Variants in FBXO41 observed in about 807,000 individuals in gnomAD.
FBXO41 encodes F-box protein 41, also known as F-box only protein 41.
FBXO41 carries 33 observed loss-of-function variants against 81.6 expected under a neutral mutation model. That is an observed-to-expected ratio of 0.40 (90% CI 0.31 to 0.54). FBXO41 has a LOEUF of 0.54. Ranked by LOEUF, FBXO41 falls within the 20% of genes least tolerant of loss-of-function variation. FBXO41 has a pLI of 0.39. For synonymous variants in FBXO41, 576 were observed against 552.7 expected (o/e 1.04, Z -0.59); for missense variants, 1,107 against 1,236.0 (o/e 0.90, Z 1.56).
chr2:73,276,588 GAGAGAGAGA>G (rs1176236561), intron 1 of FBXO41, among the ~76,000 whole-genome samples: 1 of 131,812 alleles, frequency 7.6e-6, no homozygotes, highest in East Asian at 2.9e-4. Flanking sequence ...GAGAGAGAGA[GAGAGAGAGA>G]GAGAGAGGGA....
intron 1 of FBXO41, among the ~76,000 whole-genome samples, chr2:73,283,953 T>C (rs1205507952): frequency 6.6e-6 from 1 of 151,784 alleles, no homozygotes; most frequent in East Asian, 2.0e-4. Flanking sequence ...GGAAGCCTGG[T>C]CTCGAAACGT....
intron 1 of FBXO41, among the ~76,000 whole-genome samples, chr2:73,279,139 C>G (rs183670177): frequency 3.3e-5 from 5 of 152,198 alleles, no homozygotes; most frequent in Admixed American, 3.3e-4. Flanking sequence ...TCAAGAAGGC[C>G]TGGTGACAGA....
At chr2:73,267,613 A>G (rs1477471629) in intron 2 of FBXO41, among the ~76,000 whole-genome samples, 1 of 152,250 alleles carries the variant, frequency 6.6e-6, no homozygotes, top group Non-Finnish European at 1.5e-5. Flanking sequence ...GGACACATAA[A>G]TAACATCTAT....
In FBXO41 at chr2:73,269,168, C is replaced by A; in HGVS notation, c.463G>T (p.Gly155Trp). ...ACGGACTTGCGGGCGAACAGCTCCC[C>A]CAGCGGGATCTCGATCTCGCGCAGC... ...YALREIEIPL[G>W]ELFARKSVAS... Residue 155 changes from glycine to tryptophan, a missense_variant, in exon 2 of 13, where the codon GGG (glycine) becomes TGG (tryptophan). Coordinates refer to ENST00000520530, the MANE Select transcript of FBXO41 (RefSeq NM_001371389.2). The surrounding 1 kb of genome is among the most constrained non-coding windows in gnomAD (Gnocchi z 7.0). 2 of 1,525,824 alleles carry A rather than the reference C, an allele frequency of 1.3e-6. No homozygotes were observed. The highest frequency in any genetic ancestry group is 1.8e-6 in the Non-Finnish European group (2 of 1,141,516). 94.5% of individuals were successfully genotyped at this position (1,525,824 alleles called of 1,614,324 possible). A position where few individuals can be genotyped will look rare whatever the true frequency, so the allele number is the denominator to read the frequency against.
At chr2:73,276,176 G>A (rs769559515) in intron 1 of FBXO41, among the ~76,000 whole-genome samples, 7 of 151,150 alleles carry the variant, frequency 4.6e-5, no homozygotes, top group Admixed American at 6.6e-5. Flanking sequence ...TTGGGAGGCC[G>A]AGGTGGGTGG....
chr2:73,269,485 T>G lies in FBXO41; in HGVS notation c.146A>C (p.Asp49Ala). Residue 49 changes from aspartate (D) to alanine (A), a missense_variant, in exon 2 of 13, where the codon GAC becomes GCC. Physicochemically the swap from Asp to Ala is moderately radical, Grantham distance 126. This residue lies in a region of FBXO41 where 771 missense variants were observed against 789.2 expected (regional missense o/e 0.98). Coordinates refer to ENST00000520530, the MANE Select transcript of FBXO41 (RefSeq NM_001371389.2). This position sits in a 1 kb window ranked among gnomAD's most constrained non-coding sequence, Gnocchi z 7.0. ...GGCGGCCGCGGCGGCGGCGGCGCCGTCGCAGATGCTGTTGGTCTTGGAGAG... is the reference window on the plus strand; with the variant it reads ...GGCGGCCGCGGCGGCGGCGGCGCCGGCGCAGATGCTGTTGGTCTTGGAGAG... ...YILSKTNSIC[D>A]GAAAAAAAAA... The G allele has an allele frequency of 7.7e-7, 1 of 1,290,542 alleles. No homozygotes were observed. 79.9% of individuals were successfully genotyped at this position (1,290,542 alleles called of 1,614,324 possible).
In FBXO41 at chr2:73,276,417, CA is replaced by C. The variant is rs113361058; in HGVS notation, c.-138-6650del. Among the ~76,000 whole-genome samples, 25 of 151,026 alleles carry C rather than the reference CA, an allele frequency of 1.7e-4. 1 individual carries two copies. In the South Asian group the frequency reaches 4.6e-3, roughly 28 times the overall value. On this transcript the variant is annotated intron_variant, in intron 1 of 12. Transcript: ENST00000520530. The stretch of plus-strand genomic sequence containing the variant: ...AGCAAAACTCCATCTCAAAAAAAGA[CA>C]AAAAAAATGGTGTGTAGTAATTGTT...
In FBXO41 at chr2:73,265,426, G is replaced by A; in HGVS notation, c.1420C>T (p.Pro474Ser). 6.2e-7 allele frequency: 1 copy of A among 1,608,644 alleles called. No homozygotes were observed. The highest frequency in any genetic ancestry group is 8.5e-7 in the Non-Finnish European group (1 of 1,179,632). The change falls in exon 5 of 13, where the codon CCC becomes TCC. Residue 474 changes from proline to serine, a missense_variant. Pro to Ser is a moderately conservative substitution (Grantham distance 74). Coordinates refer to ENST00000520530, the MANE Select transcript of FBXO41 (RefSeq NM_001371389.2). ...TCCCCCTCAGTGCTGTGTCGGCGGG[G>A]TCTGCGCTGCCAGTTCTGGATGGCC... ...RQAIQNWQRR[P>S]RRHSTEGEEG...
At position 73,265,787 on chromosome 2, in the gene FBXO41, AC is replaced by A; in HGVS notation, c.1205+105del. 2.1e-6 allele frequency: 3 copies of A among 1,453,528 alleles called. No homozygotes were observed. The East Asian group carries it at 7.6e-5, about 37-fold the overall frequency. The allele number at this position is 1,453,528 out of a possible 1,614,324, so 90.0% of individuals were successfully genotyped here. ...GGGTGTGGAAAGGCAGACATACGTG[AC>A]CCAGGGAGGGTAGGGGCAGGAGGGT... On this transcript the variant is annotated intron_variant, in intron 4 of 12. Coordinates refer to ENST00000520530, the MANE Select transcript of FBXO41 (RefSeq NM_001371389.2).
At position 73,269,728 on chromosome 2, in the gene FBXO41, G is replaced by T; in HGVS notation, c.-98C>A. ...GACCGCGGGCGAGGCCCCCTGCGGG[G>T]TCAGGAAGGCTCAGGGCGCCCGCGG... On this transcript the variant is annotated 5_prime_UTR_variant, in exon 2 of 13. Coordinates refer to ENST00000520530, the MANE Select transcript of FBXO41 (RefSeq NM_001371389.2). This position sits in a 1 kb window ranked among gnomAD's most constrained non-coding sequence, Gnocchi z 7.0. The T allele has an allele frequency of 2.2e-6, 2 of 914,672 alleles. No individual in the cohort carries two copies. Among genetic ancestry groups the T allele is most frequent in the Non-Finnish European group, 2.7e-6 (2 of 738,204 alleles). The allele number at this position is 914,672 out of a possible 1,614,324, so 56.7% of individuals were successfully genotyped here.
At chr2:73,277,239 C>A (rs760758409) in intron 1 of FBXO41, among the ~76,000 whole-genome samples, 2 of 152,204 alleles carry the variant, frequency 1.3e-5, no homozygotes, top group African/African-American at 4.8e-5. Context: ...CCTCCATCTG[C>A]TGGAGCTGAG....
In FBXO41 at chr2:73,269,289, G is replaced by A. The variant is rs919573236; in HGVS notation, c.342C>T (p.Pro114=). ...HLLHHHHHHA[P]LAHFPGDLVP... ...CCAGGTCGCCGGGGAAGTGGGCGAG[G>A]GGAGCGTGGTGATGGTGGTGGTGCA... is the stretch of plus-strand genomic sequence containing the variant. The change falls in exon 2 of 13, where the codon CCC becomes CCT. Residue 114 remains proline (P), a synonymous_variant. Coordinates refer to ENST00000520530, the MANE Select transcript of FBXO41 (RefSeq NM_001371389.2). This position sits in a 1 kb window ranked among gnomAD's most constrained non-coding sequence, Gnocchi z 7.0. The A allele has an allele frequency of 1.2e-5, 18 of 1,530,790 alleles. No individual in the cohort carries two copies. The African/African-American group carries it at 2.4e-4, about 21-fold the overall frequency. 94.8% of individuals were successfully genotyped at this position (1,530,790 alleles called of 1,614,324 possible).
Position 73,263,256 on chromosome 2 carries a change from A to G in FBXO41, c.2128T>C (p.Cys710Arg). The G allele has an allele frequency of 3.2e-6, 5 of 1,556,706 alleles. No individual in the cohort carries two copies. Among genetic ancestry groups the G allele is most frequent in the Non-Finnish European group, 4.3e-6 (5 of 1,150,044 alleles). Residue 710 changes from cysteine to arginine, a missense_variant, in exon 9 of 13, where the codon TGC (cysteine) becomes CGC (arginine). By Grantham distance (180) the Cys-to-Arg change is radical. Around this residue, in one of 2 missense-constraint regions of FBXO41, gnomAD observed 336 missense variants for 446.7 expected, o/e 0.75. Coordinates refer to ENST00000520530, the MANE Select transcript of FBXO41 (RefSeq NM_001371389.2). ...ACTTGGAGGGAGACGATCTCTCTGC[A>G]GCCTGCGCCCAGGGCCCAAATGACC... is the stretch of plus-strand genomic sequence containing the variant. ...HEVIWALGAG[C>R]REIVSLQVAP...
intron 9 of FBXO41, among the ~76,000 whole-genome samples, chr2:73,262,334 G>A (rs1361466498): frequency 1.3e-5 from 2 of 152,192 alleles, no homozygotes; most frequent in Admixed American, 6.6e-5. Flanking sequence ...TCTACCCAGG[G>A]TGTTACAGAA....
Position 73,266,621 on chromosome 2 carries a change from G to C in FBXO41, c.967C>G (p.Leu323Val). The change falls in exon 3 of 13, where the codon CTG becomes GTG. Residue 323 changes from leucine (L) to valine (V), a missense_variant. Coordinates refer to ENST00000520530, the MANE Select transcript of FBXO41 (RefSeq NM_001371389.2). This position sits in a 1 kb window ranked among gnomAD's most constrained non-coding sequence, Gnocchi z 5.3. Reference sequence around the variant, plus strand: ...TCCTCAATGAACTGCTGCAGCCGCAGCTTGGCGCTGGCCTCCCGCGCCGCC... The same window carrying C: ...TCCTCAATGAACTGCTGCAGCCGCACCTTGGCGCTGGCCTCCCGCGCCGCC... ...ETAAREASAKLRLQQFIEELL... is the reference protein window; with the variant it reads ...ETAAREASAKVRLQQFIEELL... The C allele has an allele frequency of 6.2e-7, 1 of 1,610,086 alleles. No individual in the cohort carries two copies.
At chr2:73,283,614 C>A (rs956773353) in intron 1 of FBXO41, among the ~76,000 whole-genome samples, 1 of 152,216 alleles carries the variant, frequency 6.6e-6, no homozygotes, top group Non-Finnish European at 1.5e-5. Flanking sequence ...GAGGGGCGCA[C>A]ACATTCAGAG....
intron 1 of FBXO41, among the ~76,000 whole-genome samples, chr2:73,278,063 A>G (rs531277030): frequency 6.6e-6 from 1 of 152,318 alleles, no homozygotes; most frequent in South Asian, 2.1e-4. Flanking sequence ...AGCTGAGCCA[A>G]CAGAGTCCTC....
chr2:73,270,691 G>A, intron 1 of FBXO41: 1 of 439,692 alleles, frequency 2.3e-6, no homozygotes, highest in South Asian at 1.7e-5. Context: ...ACCCCTTTTG[G>A]CACAAGGTCC....
In FBXO41 at chr2:73,266,911, C is replaced by T; in HGVS notation, c.906-229G>A. 1.9e-6 allele frequency: 1 copy of T among 536,950 alleles called. No homozygotes were observed. The highest frequency in any genetic ancestry group is 4.3e-5 in the Admixed American group (1 of 23,228). 33.3% of individuals were successfully genotyped at this position (536,950 alleles called of 1,614,324 possible). A position where few individuals can be genotyped will look rare whatever the true frequency, so the allele number is the denominator to read the frequency against. On this transcript the variant is annotated intron_variant, in intron 2 of 12. Transcript: ENST00000520530. This position sits in a 1 kb window ranked among gnomAD's most constrained non-coding sequence, Gnocchi z 5.3. ...CACACTCACACCCCACCCACCTGGCCCCAGACCCTGCTCTCCACAGAAATA... is the reference window on the plus strand; with the variant it reads ...CACACTCACACCCCACCCACCTGGCTCCAGACCCTGCTCTCCACAGAAATA...
Sources: gnomAD v4.1 joint callset for allele counts (sites outside exome capture counted in the v4.1 genomes callset) on GRCh38, gnomAD v4.1.1 for gene constraint, gnomAD v4.1.1 regional missense constraint, Gnocchi (gnomAD v3.1) non-coding constraint, MANE v1.5 for transcripts, NCBI Gene and HGNC (gene_info 2026-07-23, HGNC 2026-07-21) for gene names.